Variants in GPR158 observed in about 807,000 individuals in gnomAD.
The protein encoded by GPR158 is metabotropic glycine receptor.
GPR158 carries 30 observed loss-of-function variants against 78.2 expected under a neutral mutation model. That is an observed-to-expected ratio of 0.38 (90% CI 0.29 to 0.52). The LOEUF (loss-of-function observed/expected upper bound fraction) is 0.52. Among genes scored for constraint, GPR158 ranks in the 20% least tolerant of loss-of-function variants. The pLI, the probability that GPR158 is intolerant of heterozygous loss-of-function variation, is 0.83. For synonymous variants in GPR158, 581 were observed against 591.1 expected (o/e 0.98, Z 0.25); for missense variants, 1,463 against 1,523.5 (o/e 0.96, Z 0.66).
intron 2 of GPR158, among the ~76,000 whole-genome samples, chr10:25,306,807 A>G (rs1854682134): frequency 6.6e-6 from 1 of 152,038 alleles, no homozygotes; most frequent in Non-Finnish European, 1.5e-5. Context: ...AAAAATATTT[A>G]TTTCTGTAGA....
At chr10:25,451,887 A>G (rs573138346) in intron 4 of GPR158, among the ~76,000 whole-genome samples, 19 of 152,312 alleles carry the variant, frequency 1.2e-4, no homozygotes, top group African/African-American at 4.6e-4. Flanking sequence ...GGTCTCTTTC[A>G]TGGAGAAAAA....
At chr10:25,368,550 G>T (rs1409048848) in intron 2 of GPR158, among the ~76,000 whole-genome samples, 3 of 151,818 alleles carry the variant, frequency 2.0e-5, no homozygotes, top group African/African-American at 7.2e-5. Flanking sequence ...ATCTGAACCA[G>T]TAAGAATGGC....
chr10:25,478,202 TA>T (rs1202093885), intron 5 of GPR158, among the ~76,000 whole-genome samples: 1 of 152,196 alleles, frequency 6.6e-6, no homozygotes, highest in African/African-American at 2.4e-5. Context: ...TAGAGAGCCT[TA>T]AAAAATTGAG....
chr10:25,475,383 T>C (rs1374314502), intron 5 of GPR158: 1 of 152,180 alleles, frequency 6.6e-6, no homozygotes, highest in Admixed American at 6.5e-5. Context: ...GTAAATTCTT[T>C]TTGTAATGGC....
At chr10:25,487,390 T>C (rs1383888697) in intron 5 of GPR158, among the ~76,000 whole-genome samples, 1 of 152,138 alleles carries the variant, frequency 6.6e-6, no homozygotes, top group Non-Finnish European at 1.5e-5. Context: ...ATTAGGAAAA[T>C]TCACATAAAA....
chr10:25,364,539 T>A (rs1267107361), intron 2 of GPR158, among the ~76,000 whole-genome samples: 1 of 151,922 alleles, frequency 6.6e-6, no homozygotes, highest in Non-Finnish European at 1.5e-5. Context: ...TAAACATTTT[T>A]GACTCTTTAA....
At chr10:25,416,478 G>T (rs532575610) in intron 4 of GPR158, among the ~76,000 whole-genome samples, 34 of 152,190 alleles carry the variant, frequency 2.2e-4, no homozygotes, top group Non-Finnish European at 2.6e-4. Context: ...TTTCTAGGAA[G>T]TTTAAGCTTC....
At chr10:25,181,380 C>T (rs1852609463) in intron 1 of GPR158, among the ~76,000 whole-genome samples, 1 of 152,140 alleles carries the variant, frequency 6.6e-6, no homozygotes, top group South Asian at 2.1e-4. Flanking sequence ...TTCTGTCTTC[C>T]CAAATACCAT....
intron 2 of GPR158, among the ~76,000 whole-genome samples, chr10:25,342,530 G>C (rs370608890): frequency 6.6e-6 from 1 of 151,714 alleles, no homozygotes; most frequent in Non-Finnish European, 1.5e-5. Flanking sequence ...TTTTTGGAAG[G>C]CACAGAACAT....
chr10:25,206,465 T>C lies in GPR158; in HGVS notation c.903-14587T>C, dbSNP rs146072444. 2.5e-3 allele frequency among the ~76,000 whole-genome samples: 384 copies of C among 152,266 alleles called. 2 individuals are homozygous for C. Among genetic ancestry groups the C allele is most frequent in the Non-Finnish European group, 4.4e-3 (299 of 68,006 alleles). On this transcript the variant is annotated intron_variant, in intron 1 of 10. Coordinates refer to ENST00000376351, the MANE Select transcript of GPR158 (RefSeq NM_020752.3). ...TTTAAAGTTTAACTTTTTTCTATTATAAAAATATTTATTCACTTGGAAATT... is the reference window on the plus strand; with the variant it reads ...TTTAAAGTTTAACTTTTTTCTATTACAAAAATATTTATTCACTTGGAAATT...
chr10:25,587,637 G>A (rs1837288761), intron 7 of GPR158, among the ~76,000 whole-genome samples: 1 of 152,142 alleles, frequency 6.6e-6, no homozygotes, highest in South Asian at 2.1e-4. Flanking sequence ...AACTTGGCTG[G>A]AAACATTCAT....
chr10:25,598,015 G>C lies in GPR158; in HGVS notation c.2389G>C (p.Gly797Arg). The change falls in exon 11 of 11, where the codon GGG (glycine) becomes CGG (arginine). Residue 797 changes from glycine (G) to arginine (R), a missense_variant. By Grantham distance (125) the Gly-to-Arg change is moderately radical. Transcript: ENST00000376351. Reference protein sequence around the residue: ...LIRKNPPESSGNTGKSKEETL... With the variant: ...LIRKNPPESSRNTGKSKEETL... Reference sequence around the variant, plus strand: ...CAGGAAGAACCCCCCAGAGTCTTCAGGGAACACAGGGAAATCCAAGGAGGA... The same window carrying C: ...CAGGAAGAACCCCCCAGAGTCTTCACGGAACACAGGGAAATCCAAGGAGGA... 6.2e-7 allele frequency: 1 copy of C among 1,614,082 alleles called. No individual in the cohort carries two copies. Among genetic ancestry groups the C allele is most frequent in the Non-Finnish European group, 8.5e-7 (1 of 1,180,006 alleles).
At position 25,376,899 on chromosome 10, in the gene GPR158, T is replaced by C. The variant is rs569711942; in HGVS notation, c.1009-19012T>C. On this transcript the variant is annotated intron_variant, in intron 2 of 10. Transcript: ENST00000376351. ...TCCTTTGATTTATGTATATAACATA[T>C]ATATACATATGATTATATATGTAAA... 2.0e-5 allele frequency among the ~76,000 whole-genome samples: 3 copies of C among 151,696 alleles called. No homozygotes were observed. In the South Asian group the frequency reaches 6.2e-4, roughly 31 times the overall value.
chr10:25,467,660 A>G (rs1340641453), intron 5 of GPR158, among the ~76,000 whole-genome samples: 6 of 152,150 alleles, frequency 3.9e-5, no homozygotes, highest in Non-Finnish European at 8.8e-5. Context: ...TGGGCAAGAT[A>G]AAAATCGGAG....
intron 2 of GPR158, among the ~76,000 whole-genome samples, chr10:25,310,229 G>A (rs1342788106): frequency 6.6e-6 from 1 of 152,128 alleles, no homozygotes; most frequent in East Asian, 1.9e-4. Context: ...GTTCATATCT[G>A]CGCTCTCTGT....
At position 25,598,269 on chromosome 10, in the gene GPR158, C is replaced by T. The variant is rs753266335; in HGVS notation, c.2643C>T (p.Ser881=). Reference sequence around the variant, plus strand: ...TGCCGTTGGTGTGCAAGTCAGCAAGCGCTCACAACCTCAGCTCAGAGAAGA... The same window carrying T: ...TGCCGTTGGTGTGCAAGTCAGCAAGTGCTCACAACCTCAGCTCAGAGAAGA... ...ESVPLVCKSA[S]AHNLSSEKKT... Residue 881 remains serine (S), a synonymous_variant, in exon 11 of 11, where the codon AGC becomes AGT. Transcript: ENST00000376351. 1.2e-5 allele frequency: 20 copies of T among 1,613,896 alleles called. No homozygotes were observed. The Admixed American group carries it at 2.0e-4, about 16-fold the overall frequency.
At chr10:25,468,069 G>C (rs775285421) in intron 5 of GPR158, among the ~76,000 whole-genome samples, 1 of 152,028 alleles carries the variant, frequency 6.6e-6, no homozygotes, top group Non-Finnish European at 1.5e-5. Flanking sequence ...TTGCACCTGC[G>C]TATCTCTTAG....
Position 25,588,920 on chromosome 10 carries a change from T to C in GPR158, c.1754-87T>C, listed in dbSNP as rs76780430. The C allele has an allele frequency of 3.9e-3, 3,354 of 854,344 alleles. 63 individuals are homozygous for C. In the African/African-American group the frequency reaches 0.047, roughly 12 times the overall value. 52.9% of individuals were successfully genotyped at this position (854,344 alleles called of 1,614,324 possible). A position where few individuals can be genotyped will look rare whatever the true frequency, so the allele number is the denominator to read the frequency against. ...AACCCATCTATTTATAAAAAACTTA[T>C]GTTGAATAATAAACAAAATGCATGC... On this transcript the variant is annotated intron_variant, in intron 7 of 10. Transcript: ENST00000376351.
intron 1 of GPR158, among the ~76,000 whole-genome samples, chr10:25,188,977 A>G (rs967788878): frequency 6.6e-6 from 1 of 152,222 alleles, no homozygotes; most frequent in African/African-American, 2.4e-5. Flanking sequence ...GGCAAAGGAC[A>G]TGAATGGACC....
Sources: gnomAD v4.1 joint callset for allele counts (sites outside exome capture counted in the v4.1 genomes callset) on GRCh38, gnomAD v4.1.1 for gene constraint, MANE v1.5 for transcripts, NCBI Gene and HGNC (gene_info 2026-07-23, HGNC 2026-07-21) for gene names.